Variants in SGCZ observed in about 807,000 individuals in gnomAD.
The protein encoded by SGCZ is zeta-sarcoglycan.
In SGCZ, 40 loss-of-function variants were observed where a neutral mutation model predicts 41.3. That is an observed-to-expected ratio of 0.97 (90% CI 0.75 to 1.26). The LOEUF (loss-of-function observed/expected upper bound fraction) is 1.26, where lower values mean the gene tolerates loss of function less well. Among genes scored for constraint, SGCZ ranks in the 50% most tolerant of loss-of-function variants. The pLI, the probability that SGCZ is intolerant of heterozygous loss-of-function variation, is 0.00. For missense variants in SGCZ, 552 were observed against 369.8 expected (o/e 1.49, Z -4.04); for synonymous variants, 206 against 137.5 (o/e 1.50, Z -3.49).
intron 2 of SGCZ, among the ~76,000 whole-genome samples, chr8:14,366,469 C>A (rs185134108): frequency 6.6e-6 from 1 of 152,120 alleles, no homozygotes; most frequent in East Asian, 1.9e-4. Context: ...TTTCTAAACA[C>A]CTGTGGGTTA....
At chr8:14,294,044 T>G (rs1415937925) in intron 3 of SGCZ, among the ~76,000 whole-genome samples, 2 of 151,882 alleles carry the variant, frequency 1.3e-5, no homozygotes, top group African/African-American at 4.8e-5. Flanking sequence ...GATGTGCATA[T>G]ATCAACAATA....
chr8:14,407,513 T>C (rs1255556166), intron 2 of SGCZ, among the ~76,000 whole-genome samples: 1 of 152,162 alleles, frequency 6.6e-6, no homozygotes. Context: ...TTATATGACA[T>C]CTGTTTTAAT....
intron 1 of SGCZ, among the ~76,000 whole-genome samples, chr8:15,149,899 A>G (rs1237880124): frequency 2.0e-5 from 3 of 152,210 alleles, no homozygotes; most frequent in Non-Finnish European, 2.9e-5. Context: ...AAAAATGTGC[A>G]TCAACAGAGA....
chr8:14,978,133 T>C (rs1459584996), intron 1 of SGCZ, among the ~76,000 whole-genome samples: 2 of 151,994 alleles, frequency 1.3e-5, no homozygotes, highest in Non-Finnish European at 2.9e-5. Context: ...TGCATTTTTA[T>C]GTTAGTTTCA....
At chr8:14,107,935 G>A (rs888850688) in intron 6 of SGCZ, among the ~76,000 whole-genome samples, 1 of 152,102 alleles carries the variant, frequency 6.6e-6, no homozygotes, top group Non-Finnish European at 1.5e-5. Context: ...GAGCCACCGT[G>A]CCCGGCCTCA....
At chr8:14,229,572 C>T (rs1435325481) in intron 4 of SGCZ, among the ~76,000 whole-genome samples, 1 of 151,804 alleles carries the variant, frequency 6.6e-6, no homozygotes, top group African/African-American at 2.4e-5. Flanking sequence ...ATCTATCCTT[C>T]AAGATTTGCA....
At chr8:14,126,468 A>AACAAC (rs1563141532) in intron 5 of SGCZ, among the ~76,000 whole-genome samples, 1 of 151,486 alleles carries the variant, frequency 6.6e-6, no homozygotes, top group Non-Finnish European at 1.5e-5. Context: ...ATTAAAAAGT[A>AACAAC]AAAACAAAAC....
chr8:14,153,304 C>T (rs1048804840), intron 5 of SGCZ, among the ~76,000 whole-genome samples: 1 of 152,114 alleles, frequency 6.6e-6, no homozygotes, highest in Non-Finnish European at 1.5e-5. Context: ...GGACTTCAAT[C>T]TGAACACGAA....
At chr8:14,840,212 A>T (rs866083565) in intron 1 of SGCZ, among the ~76,000 whole-genome samples, 1 of 152,170 alleles carries the variant, frequency 6.6e-6, no homozygotes, top group Non-Finnish European at 1.5e-5. Flanking sequence ...TTTAAATACA[A>T]GAGAGATGAG....
intron 1 of SGCZ, among the ~76,000 whole-genome samples, chr8:14,698,129 A>G (rs1187103158): frequency 6.6e-6 from 1 of 152,032 alleles, no homozygotes; most frequent in Non-Finnish European, 1.5e-5. Flanking sequence ...TCGCCTTTCT[A>G]GCAGTCAAAC....
chr8:14,755,384 T>C (rs1201069790), intron 1 of SGCZ, among the ~76,000 whole-genome samples: 1 of 152,000 alleles, frequency 6.6e-6, no homozygotes, highest in African/African-American at 2.4e-5. Flanking sequence ...TAAATCCAAA[T>C]GAACAATTAA....
intron 1 of SGCZ, among the ~76,000 whole-genome samples, chr8:14,702,011 G>T (rs145659876): frequency 8.6e-5 from 13 of 151,760 alleles, no homozygotes; most frequent in African/African-American, 3.1e-4. Context: ...ATTTTTACAC[G>T]CACTGGCACT....
chr8:14,222,837 G>A (rs1344887695), intron 4 of SGCZ, among the ~76,000 whole-genome samples: 1 of 98,196 alleles, frequency 1.0e-5, no homozygotes, highest in Non-Finnish European at 1.8e-5. Flanking sequence ...TTTTGAGGCA[G>A]AGTCTTGCTC....
Position 14,405,355 on chromosome 8 carries a change from A to G in SGCZ, c.235-81151T>C, listed in dbSNP as rs143129935. Reference sequence around the variant, plus strand: ...TACTTTATGTATCTTCCCCACTATTATTTTTTCTCACACACATTCCATTAA... The same window carrying G: ...TACTTTATGTATCTTCCCCACTATTGTTTTTTCTCACACACATTCCATTAA... On this transcript the variant is annotated intron_variant, in intron 2 of 7. Coordinates refer to ENST00000382080, the MANE Select transcript of SGCZ (RefSeq NM_139167.4). Among the ~76,000 whole-genome samples the G allele has an allele frequency of 5.6e-3, 804 of 144,576 alleles. 10 individuals carry two copies. The highest frequency in any genetic ancestry group is 0.018 in the African/African-American group (736 of 41,322). The allele number at this position is 144,576 out of a possible 152,430, so 94.8% of individuals were successfully genotyped here.
chr8:14,681,422 A>G lies in SGCZ; in HGVS notation c.40-126496T>C, dbSNP rs74659712. ...AAATAGAAATAGGACTTTTAGAAATATAATGTAAACCATCACATTATCATG... is the reference window on the plus strand; with the variant it reads ...AAATAGAAATAGGACTTTTAGAAATGTAATGTAAACCATCACATTATCATG... On this transcript the variant is annotated intron_variant, in intron 1 of 7. Coordinates refer to ENST00000382080, the MANE Select transcript of SGCZ (RefSeq NM_139167.4). Among the ~76,000 whole-genome samples, 944 of 152,348 alleles carry G rather than the reference A, an allele frequency of 6.2e-3. 8 individuals are homozygous for G. Among genetic ancestry groups the G allele is most frequent in the African/African-American group, 0.021 (863 of 41,588 alleles).
chr8:14,516,206 T>C (rs1802616008), intron 2 of SGCZ, among the ~76,000 whole-genome samples: 1 of 151,952 alleles, frequency 6.6e-6, no homozygotes, highest in Non-Finnish European at 1.5e-5. Flanking sequence ...CGTAAACTCA[T>C]GGTAATCAGG....
chr8:14,804,994 A>G (rs1269366136), intron 1 of SGCZ, among the ~76,000 whole-genome samples: 29 of 98,720 alleles, frequency 2.9e-4, no homozygotes, highest in Admixed American at 7.3e-4. Flanking sequence ...TCATAAGTGA[A>G]GGAGAAATAA....
chr8:15,029,846 T>A (rs1803593894), intron 1 of SGCZ, among the ~76,000 whole-genome samples: 1 of 152,200 alleles, frequency 6.6e-6, no homozygotes, highest in Non-Finnish European at 1.5e-5. Flanking sequence ...ATGGCTTCCA[T>A]GAGATGATTA....
intron 1 of SGCZ, among the ~76,000 whole-genome samples, chr8:15,144,192 A>G (rs895100835): frequency 6.6e-6 from 1 of 152,220 alleles, no homozygotes; most frequent in Non-Finnish European, 1.5e-5. Context: ...ACAGAATCAG[A>G]AAATTGCATT....
Sources: gnomAD v4.1 joint callset for allele counts (sites outside exome capture counted in the v4.1 genomes callset) on GRCh38, gnomAD v4.1.1 for gene constraint, MANE v1.5 for transcripts, NCBI Gene and HGNC (gene_info 2026-07-23, HGNC 2026-07-21) for gene names.